Variants in MAML3 observed in about 807,000 individuals in gnomAD.
MAML3 encodes the protein mastermind like transcriptional coactivator 3, also known as mastermind-like protein 3.
Under a neutral mutation model 101.9 loss-of-function variants are expected in MAML3, and 27 were observed. The ratio of observed to expected loss-of-function variants is 0.27; its 90% confidence interval spans 0.20 to 0.37. MAML3 has a LOEUF of 0.37. Among genes scored for constraint, MAML3 ranks in the 10% least tolerant of loss-of-function variants. MAML3 has a pLI of 1.00. For synonymous variants in MAML3, 501 were observed against 555.9 expected (o/e 0.90, Z 1.39); for missense variants, 1,316 against 1,444.9 (o/e 0.91, Z 1.45).
intron 2 of MAML3, chr4:139,888,604 T>C (rs1204787409): frequency 3.9e-6 from 2 of 519,032 alleles, no homozygotes; most frequent in African/African-American, 1.9e-5. Context: ...TTGCTGCTCA[T>C]TTTTTACCAT....
intron 2 of MAML3, among the ~76,000 whole-genome samples, chr4:139,789,896 G>C (rs1426786269): frequency 6.6e-6 from 1 of 152,018 alleles, no homozygotes; most frequent in African/African-American, 2.4e-5. Flanking sequence ...CTAAACTTGG[G>C]TGACTGAGAA....
intron 1 of MAML3, among the ~76,000 whole-genome samples, chr4:139,968,061 C>T (rs186869247): frequency 5.3e-5 from 8 of 151,734 alleles, no homozygotes; most frequent in African/African-American, 1.9e-4. Context: ...GGTAGATTAC[C>T]TGAGGTCAGG....
At chr4:140,151,753 A>G (rs1729174630) in intron 1 of MAML3, among the ~76,000 whole-genome samples, 1 of 152,138 alleles carries the variant, frequency 6.6e-6, no homozygotes, top group South Asian at 2.1e-4. Flanking sequence ...AAGGAAAGCA[A>G]AAGAACCGGA....
intron 1 of MAML3, among the ~76,000 whole-genome samples, chr4:140,079,904 G>A (rs1375822581): frequency 1.3e-5 from 2 of 152,160 alleles, no homozygotes; most frequent in South Asian, 2.1e-4. Flanking sequence ...TGTACTCATA[G>A]AAGGTGTAAT....
rs75568358 is a variant in MAML3 at position 139,829,828 on chromosome 4, G to T, written c.2079+59529C>A. Among the ~76,000 whole-genome samples, 911 of 152,286 alleles carry T rather than the reference G, an allele frequency of 6.0e-3. 12 individuals carry two copies. The highest frequency in any genetic ancestry group is 0.02 in the African/African-American group (850 of 41,556). ...TTATTGAAGTCTGTATTGGTCAAAT[G>T]ACATTTGGAATTTTATACACAGATC... On this transcript the variant is annotated intron_variant, in intron 2 of 4. Transcript: ENST00000509479.
At chr4:140,133,055 G>T (rs766851841) in intron 1 of MAML3, 35 of 433,352 alleles carry the variant, frequency 8.1e-5, no homozygotes, top group Middle Eastern at 3.4e-4. Flanking sequence ...TAAAAGGAGG[G>T]GAGAACAGAG....
At chr4:139,894,726 G>GAAAAAAA (rs35304334) in intron 1 of MAML3, among the ~76,000 whole-genome samples, 1 of 150,902 alleles carries the variant, frequency 6.6e-6, no homozygotes, top group Non-Finnish European at 1.5e-5. Flanking sequence ...GAATTTGACG[G>GAAAAAAA]AAAAAAAAAT....
At chr4:139,871,302 A>T (rs1389400476) in intron 2 of MAML3, among the ~76,000 whole-genome samples, 6 of 152,212 alleles carry the variant, frequency 3.9e-5, no homozygotes, top group Admixed American at 2.6e-4. Flanking sequence ...AATGACAATT[A>T]AGCCAATTAG....
chr4:139,962,979 T>A (rs1578619025), intron 1 of MAML3, among the ~76,000 whole-genome samples: 1 of 152,336 alleles, frequency 6.6e-6, no homozygotes, highest in East Asian at 1.9e-4. Context: ...AAACTGATTT[T>A]TTTTTTAACC....
At position 139,947,200 on chromosome 4, in the gene MAML3, A is replaced by T. The variant is rs149744200; in HGVS notation, c.469-56233T>A. On this transcript the variant is annotated intron_variant, in intron 1 of 4. Coordinates refer to ENST00000509479, the MANE Select transcript of MAML3 (RefSeq NM_018717.5). The stretch of plus-strand genomic sequence containing the variant: ...TTTTATTTAGGGTGGAGATTTTCTT[A>T]AAATCTTCGGTAGATTTTATCCTTG... Among the ~76,000 whole-genome samples the T allele has an allele frequency of 2.2e-3, 330 of 152,312 alleles. 1 individual carries two copies. The highest frequency in any genetic ancestry group is 7.7e-3 in the African/African-American group (319 of 41,566).
chr4:139,736,995 A>G (rs994572961), intron 2 of MAML3, among the ~76,000 whole-genome samples: 4 of 152,220 alleles, frequency 2.6e-5, no homozygotes, highest in Non-Finnish European at 4.4e-5. Flanking sequence ...GAATTCTGAA[A>G]GGAGCCCATG....
chr4:139,776,938 A>C (rs1163471722), intron 2 of MAML3, among the ~76,000 whole-genome samples: 1 of 152,200 alleles, frequency 6.6e-6, no homozygotes, highest in Non-Finnish European at 1.5e-5. Context: ...AAAGGGATGG[A>C]AGAAAGGTTC....
At chr4:140,077,355 G>T (rs1392202686) in intron 1 of MAML3, among the ~76,000 whole-genome samples, 1 of 152,162 alleles carries the variant, frequency 6.6e-6, no homozygotes, top group East Asian at 1.9e-4. Flanking sequence ...GAAGCAGAGG[G>T]TTGTTCCCTC....
intron 1 of MAML3, among the ~76,000 whole-genome samples, chr4:139,937,492 T>C (rs1733529622): frequency 2.6e-5 from 4 of 151,852 alleles, no homozygotes; most frequent in African/African-American, 9.7e-5. Flanking sequence ...GTTCAAGGGA[T>C]TCTCTTGCCT....
intron 1 of MAML3, among the ~76,000 whole-genome samples, chr4:139,940,005 T>G (rs557123123): frequency 6.6e-6 from 1 of 152,080 alleles, no homozygotes; most frequent in South Asian, 2.1e-4. Context: ...ACCTTGTGAT[T>G]CGTCCACCTC....
chr4:139,889,484 G>A lies in MAML3; in HGVS notation c.1952C>T (p.Pro651Leu), dbSNP rs894435919. 3.4e-6 allele frequency: 5 copies of A among 1,457,766 alleles called. No individual in the cohort carries two copies. Among genetic ancestry groups the A allele is most frequent in the East Asian group, 2.5e-5 (1 of 40,720 alleles). 90.3% of individuals were successfully genotyped at this position (1,457,766 alleles called of 1,614,324 possible). The stretch of plus-strand genomic sequence containing the variant: ...GGGGGCCTGGAGCTGTGGAGGTGGC[G>A]GCTGCTGCTGCTGCTGCTGCTGCTG... Reference protein sequence around the residue: ...QQQQQQQQQQPPPPQLQAPRA... With the variant: ...QQQQQQQQQQLPPPQLQAPRA... Residue 651 changes from proline to leucine, a missense_variant, in exon 2 of 5, where the codon CCG becomes CTG. Coordinates refer to ENST00000509479, the MANE Select transcript of MAML3 (RefSeq NM_018717.5).
rs142319910 is a variant in MAML3, at chr4:139,803,649, T to C, written c.2080-72982A>G. Among the ~76,000 whole-genome samples, 180 of 152,306 alleles carry C rather than the reference T, an allele frequency of 1.2e-3. 1 individual carries two copies. The highest frequency in any genetic ancestry group is 4.1e-3 in the African/African-American group (172 of 41,560). ...CTAATACTGCCACATACCCCCACTG[T>C]GCTTCTGTTACCCCAGTTCTCCCAG... On this transcript the variant is annotated intron_variant, in intron 2 of 4. Transcript: ENST00000509479.
chr4:140,064,115 G>A lies in MAML3; in HGVS notation c.468+88745C>T, dbSNP rs376516786. 2.2e-4 allele frequency among the ~76,000 whole-genome samples: 33 copies of A among 152,250 alleles called. No homozygotes were observed. The East Asian group carries it at 4.8e-3, about 22-fold the overall frequency. ...CACTTCTTACTGGGGAAAATCAGAC[G>A]TAAACTTTGTATTTTAATAATTTGG... is the stretch of plus-strand genomic sequence containing the variant. On this transcript the variant is annotated intron_variant, in intron 1 of 4. Coordinates refer to ENST00000509479, the MANE Select transcript of MAML3 (RefSeq NM_018717.5).
intron 1 of MAML3, among the ~76,000 whole-genome samples, chr4:139,905,383 T>C (rs535136443): frequency 2.7e-5 from 4 of 150,266 alleles, no homozygotes; most frequent in Admixed American, 6.7e-5. Context: ...TCCCAGCTAC[T>C]CAGGAGGCTG....
Sources: allele counts gnomAD v4.1 joint callset (sites outside exome capture counted in the v4.1 genomes callset), GRCh38; gene constraint gnomAD v4.1.1; transcripts MANE v1.5; gene names NCBI Gene and HGNC (gene_info 2026-07-23, HGNC 2026-07-21).